The following COL23A1 variants were observed in gnomAD, a reference collection of about 807,000 sequenced individuals.
The protein encoded by COL23A1 is collagen alpha-1(XXIII) chain.
COL23A1 carries 97 observed loss-of-function variants against 99.3 expected under a neutral mutation model. The ratio of observed to expected loss-of-function variants is 0.98; its 90% CI spans 0.83 to 1.16. The LOEUF (loss-of-function observed/expected upper bound fraction) is 1.16. COL23A1 is among the 50% of genes most tolerant of loss of function. The pLI is 0.00. For synonymous variants in COL23A1, 320 were observed against 308.2 expected, an observed-to-expected ratio of 1.04 and a Z score of -0.40; for missense variants, 762 against 757.4, an observed-to-expected ratio of 1.01 and a Z score of -0.07.
rs536356757 is a variant in COL23A1 at position 178,475,381 on chromosome 5, T to C, written c.361+85301A>G. On this transcript the variant is annotated intron_variant, in intron 2 of 28. Transcript: ENST00000390654. Reference sequence around the variant, plus strand: ...GATGCCATTGAAGCAGAAACCAAAATGAAGTGAAGGAATGAGCCATGGGGA... The same window carrying C: ...GATGCCATTGAAGCAGAAACCAAAACGAAGTGAAGGAATGAGCCATGGGGA... Among the ~76,000 whole-genome samples, 18 of 151,910 alleles carry C rather than the reference T, an allele frequency of 1.2e-4. 1 individual carries two copies. The South Asian group carries it at 2.9e-3, about 25-fold the overall frequency.
At chr5:178,405,093 C>T (rs1321817350) in intron 2 of COL23A1, among the ~76,000 whole-genome samples, 1 of 152,382 alleles carries the variant, frequency 6.6e-6, no homozygotes, top group East Asian at 1.9e-4. Flanking sequence ...GAGCCCATCT[C>T]TACCTCCCGC....
At chr5:178,537,095 G>A (rs1369174074) in intron 2 of COL23A1, among the ~76,000 whole-genome samples, 2 of 152,234 alleles carry the variant, frequency 1.3e-5, no homozygotes. Context: ...CTGAGCTGTG[G>A]AACACAGCGG....
chr5:178,547,743 C>A (rs151183323), intron 2 of COL23A1, among the ~76,000 whole-genome samples: 7 of 2,522 alleles, frequency 2.8e-3, no homozygotes, highest in Non-Finnish European at 4.1e-3. Context: ...CCCCACACAC[C>A]CCCACACCCA....
intron 2 of COL23A1, among the ~76,000 whole-genome samples, chr5:178,382,953 G>C (rs938671308): frequency 2.0e-5 from 3 of 152,234 alleles, no homozygotes; most frequent in African/African-American, 7.2e-5. Flanking sequence ...GGAGGGAGGG[G>C]GGCCCACTCC....
At chr5:178,408,279 G>A (rs373458735) in intron 2 of COL23A1, among the ~76,000 whole-genome samples, 1 of 152,108 alleles carries the variant, frequency 6.6e-6, no homozygotes, top group Non-Finnish European at 1.5e-5. Flanking sequence ...GTTAAATTAA[G>A]ACAAGTTGTC....
intron 2 of COL23A1, among the ~76,000 whole-genome samples, chr5:178,402,028 C>A (rs1259639214): frequency 1.3e-5 from 2 of 152,148 alleles, no homozygotes; most frequent in Admixed American, 1.3e-4. Context: ...GTTGGCCAGG[C>A]TGGTCTCAAA....
intron 5 of COL23A1, among the ~76,000 whole-genome samples, chr5:178,271,306 C>T (rs1756273606): frequency 6.6e-6 from 1 of 152,174 alleles, no homozygotes; most frequent in East Asian, 1.9e-4. Flanking sequence ...CCCCCACATA[C>T]ACTTCACTCT....
intron 2 of COL23A1, among the ~76,000 whole-genome samples, chr5:178,379,983 A>AG (rs1332945501): frequency 3.9e-5 from 6 of 152,166 alleles, no homozygotes; most frequent in African/African-American, 1.4e-4. Context: ...AAGGTCAGGG[A>AG]GGCCCCACAG....
chr5:178,438,247 C>A (rs1489397235), intron 2 of COL23A1, among the ~76,000 whole-genome samples: 1 of 152,240 alleles, frequency 6.6e-6, no homozygotes, highest in African/African-American at 2.4e-5. Flanking sequence ...AAGCACAGCT[C>A]TGGCCCCTCC....
At chr5:178,467,240 C>T (rs1488417999) in intron 2 of COL23A1, among the ~76,000 whole-genome samples, 1 of 152,212 alleles carries the variant, frequency 6.6e-6, no homozygotes, top group African/African-American at 2.4e-5. Context: ...GCTGCCTGAA[C>T]CACTGAGGCC....
In COL23A1 at chr5:178,243,730, G is replaced by C. The variant is rs77536897; in HGVS notation, c.1441-1336C>G. Among the ~76,000 whole-genome samples, 405 of 152,260 alleles carry C rather than the reference G, an allele frequency of 2.7e-3. 9 individuals carry two copies. The East Asian group carries it at 0.051, about 19-fold the overall frequency. On this transcript the variant is annotated intron_variant, in intron 25 of 28. Coordinates refer to ENST00000390654, the MANE Select transcript of COL23A1 (RefSeq NM_173465.4). ...GCCTTCTGGGGTTGAGGAGGAGCCTGGCATTTGCCAGGTAGAGCAGGTGGG... is the reference window on the plus strand; with the variant it reads ...GCCTTCTGGGGTTGAGGAGGAGCCTCGCATTTGCCAGGTAGAGCAGGTGGG...
At chr5:178,261,844 A>T in intron 10 of COL23A1, 96 bp from the exon 11 acceptor site, 1 of 1,078,878 alleles carries the variant, frequency 9.3e-7, no homozygotes, top group Non-Finnish European at 1.4e-6. Flanking sequence ...GGTGACACCA[A>T]TCCCAGAGAG....
chr5:178,376,583 C>T (rs1763082409), intron 2 of COL23A1, among the ~76,000 whole-genome samples: 2 of 152,348 alleles, frequency 1.3e-5, no homozygotes, highest in African/African-American at 4.8e-5. Flanking sequence ...TTTAGATACA[C>T]CACCTGTAAT....
intron 4 of COL23A1, 101 bp downstream of exon 4, chr5:178,290,261 G>A: frequency 1.3e-6 from 2 of 1,548,216 alleles, no homozygotes; most frequent in Non-Finnish European, 1.8e-6. Flanking sequence ...GTTTTCTGAG[G>A]ACACACCTCC....
At position 178,434,139 on chromosome 5, in the gene COL23A1, C is replaced by T. The variant is rs1334048308; in HGVS notation, c.361+126543G>A. The stretch of plus-strand genomic sequence containing the variant: ...CACACACTCACACACCCTCCCAATG[C>T]CTCAGGAAACAGCGACTGTCATCTT... On this transcript the variant is annotated intron_variant, in intron 2 of 28. Coordinates refer to ENST00000390654, the MANE Select transcript of COL23A1 (RefSeq NM_173465.4). This position sits in a 1 kb window ranked among gnomAD's most constrained non-coding sequence, Gnocchi z 4.3. 1.3e-5 allele frequency among the ~76,000 whole-genome samples: 2 copies of T among 152,206 alleles called. No homozygotes were observed. The highest frequency in any genetic ancestry group is 2.9e-5 in the Non-Finnish European group (2 of 68,044).
chr5:178,565,263 G>T, intron 1 of COL23A1, among the ~76,000 whole-genome samples: 1 of 152,342 alleles, frequency 6.6e-6, no homozygotes, highest in Middle Eastern at 3.4e-3. Context: ...GGAAGTAGAA[G>T]AGACAATGTA....
chr5:178,389,673 GC>G (rs1763862281), intron 2 of COL23A1, among the ~76,000 whole-genome samples: 1 of 152,206 alleles, frequency 6.6e-6, no homozygotes, highest in Admixed American at 6.5e-5. Context: ...AGAGTTAAGT[GC>G]CTTTCCCTTC....
chr5:178,536,644 C>T (rs914078249), intron 2 of COL23A1, among the ~76,000 whole-genome samples: 1 of 152,182 alleles, frequency 6.6e-6, no homozygotes, highest in Non-Finnish European at 1.5e-5. Context: ...AGTCCCAGGC[C>T]CTGAGCTCCG....
intron 2 of COL23A1, among the ~76,000 whole-genome samples, chr5:178,555,845 G>A (rs1473378308): frequency 6.6e-6 from 1 of 152,140 alleles, no homozygotes; most frequent in Non-Finnish European, 1.5e-5. Flanking sequence ...CCATAGGGCA[G>A]CTCCCAGGGG....
Sources: allele counts gnomAD v4.1 joint callset (sites outside exome capture counted in the v4.1 genomes callset), GRCh38; gene constraint gnomAD v4.1.1; non-coding constraint Gnocchi (gnomAD v3.1); transcripts MANE v1.5; gene names NCBI Gene and HGNC (gene_info 2026-07-23, HGNC 2026-07-21).